The following SPIRE1 variants were observed in gnomAD, a reference collection of about 807,000 sequenced individuals.
The protein encoded by SPIRE1 is protein spire homolog 1.
Under a neutral mutation model 94.1 loss-of-function variants are expected in SPIRE1, and 40 were observed. That is an observed-to-expected ratio of 0.43 (90% CI 0.33 to 0.55). The LOEUF is 0.55. Ranked by LOEUF, SPIRE1 falls within the 20% of genes least tolerant of loss-of-function variation. The pLI is 0.06. For missense variants in SPIRE1, 838 were observed against 975.2 expected (o/e 0.86, Z 1.87); for synonymous variants, 376 against 371.7 (o/e 1.01, Z -0.13).
Position 12,615,345 on chromosome 18 carries a change from A to ATAAAAATAAAAAAAAAT in SPIRE1, c.372+19716_372+19717insATTTTTTTTTATTTTTA, listed in dbSNP as rs1555632289. Among the ~76,000 whole-genome samples, 2 of 17,236 alleles carry ATAAAAATAAAAAAAAAT rather than the reference A, an allele frequency of 1.2e-4. 1 individual carries two copies. The highest frequency in any genetic ancestry group is 3.7e-4 in the Non-Finnish European group (2 of 5,404). 11.3% of individuals were successfully genotyped at this position (17,236 alleles called of 152,430 possible). A position where few individuals can be genotyped will look rare whatever the true frequency, so the allele number is the denominator to read the frequency against. On this transcript the variant is annotated intron_variant, in intron 2 of 16. Coordinates refer to ENST00000409402, the MANE Select transcript of SPIRE1 (RefSeq NM_001128626.2). ...TCTGTCTCAAAAAAAAAAAAAAAAA[A>ATAAAAATAAAAAAAAAT]ATATATATATATATATATATATATA... is the stretch of plus-strand genomic sequence containing the variant.
intron 2 of SPIRE1, among the ~76,000 whole-genome samples, chr18:12,582,193 C>T (rs2036273276): frequency 6.6e-6 from 1 of 152,004 alleles, no homozygotes; most frequent in African/African-American, 2.4e-5. Flanking sequence ...CAGGAAAAGC[C>T]CAAGGTCTGT....
At chr18:12,501,701 C>T (rs1253011353) in intron 6 of SPIRE1, among the ~76,000 whole-genome samples, 1 of 152,190 alleles carries the variant, frequency 6.6e-6, no homozygotes. Context: ...TGGCTCATGC[C>T]TATAATCCTA....
chr18:12,540,153 T>C (rs1451691107), intron 3 of SPIRE1, among the ~76,000 whole-genome samples: 2 of 152,088 alleles, frequency 1.3e-5, no homozygotes, highest in Non-Finnish European at 2.9e-5. Context: ...ACCCAAACTC[T>C]TCAGTGTTCC....
intron 1 of SPIRE1, among the ~76,000 whole-genome samples, chr18:12,640,989 C>T (rs1368974333): frequency 6.6e-6 from 1 of 152,084 alleles, no homozygotes; most frequent in East Asian, 1.9e-4. Flanking sequence ...AGCTCAAGGC[C>T]AGCGAGGAGG....
Position 12,598,030 on chromosome 18 carries a change from G to A in SPIRE1, c.372+37032C>T, listed in dbSNP as rs577890961. 2.6e-5 allele frequency among the ~76,000 whole-genome samples: 4 copies of A among 152,170 alleles called. No individual in the cohort carries two copies. The South Asian group carries it at 8.3e-4, about 32-fold the overall frequency. On this transcript the variant is annotated intron_variant, in intron 2 of 16. Transcript: ENST00000409402. ...TCACATACTTTGGATTTTTATACAA[G>A]AGACTAGCTTGAGTCACTAACCAGA...
intron 2 of SPIRE1, among the ~76,000 whole-genome samples, chr18:12,547,220 G>T (rs139020870): frequency 6.6e-6 from 1 of 152,274 alleles, no homozygotes; most frequent in East Asian, 1.9e-4. Flanking sequence ...GACATCCCAA[G>T]TATCTGAAAG....
chr18:12,590,897 T>G (rs1052980804), intron 2 of SPIRE1, among the ~76,000 whole-genome samples: 1 of 152,222 alleles, frequency 6.6e-6, no homozygotes, highest in Admixed American at 6.5e-5. Flanking sequence ...ACAAATTCAC[T>G]GAGGTAGTAC....
At chr18:12,654,107 C>T (rs1337920950) in intron 1 of SPIRE1, among the ~76,000 whole-genome samples, 6 of 151,796 alleles carry the variant, frequency 4.0e-5, no homozygotes, top group African/African-American at 1.5e-4. Context: ...GAGGCTGAGG[C>T]GGGTGGATCA....
At chr18:12,652,792 T>C (rs1372038416) in intron 1 of SPIRE1, among the ~76,000 whole-genome samples, 1 of 152,234 alleles carries the variant, frequency 6.6e-6, no homozygotes, top group African/African-American at 2.4e-5. Context: ...AATCTAACCA[T>C]TCTCAGATGT....
Position 12,579,186 on chromosome 18 carries a change from T to TACACACACAC in SPIRE1, c.373-32292_373-32283dup, listed in dbSNP as rs755425946. 6.6e-3 allele frequency among the ~76,000 whole-genome samples: 711 copies of TACACACACAC among 108,548 alleles called. 9 individuals carry two copies. Among genetic ancestry groups the TACACACACAC allele is most frequent in the East Asian group, 9.0e-3 (35 of 3,896 alleles). The allele number at this position is 108,548 out of a possible 152,430, so 71.2% of individuals were successfully genotyped here. ...AATTTTCCACTGAGAGGAAAAAGTT[T>TACACACACAC]ACACACACACACATACACACACACA... On this transcript the variant is annotated intron_variant, in intron 2 of 16. Transcript: ENST00000409402.
chr18:12,645,160 G>A (rs1016854935), intron 1 of SPIRE1, among the ~76,000 whole-genome samples: 3 of 151,606 alleles, frequency 2.0e-5, no homozygotes, highest in African/African-American at 7.3e-5. Flanking sequence ...GCTTGCCTGA[G>A]GTCATAACTA....
chr18:12,658,486 C>T (rs1307240514), upstream of SPIRE1: 2 of 451,970 alleles, frequency 4.4e-6, no homozygotes, highest in African/African-American at 4.0e-5. Context: ...AGGGAAGTCC[C>T]CGGCCGACTC....
At chr18:12,561,733 G>A (rs972040742) in intron 2 of SPIRE1, among the ~76,000 whole-genome samples, 3 of 152,036 alleles carry the variant, frequency 2.0e-5, no homozygotes, top group Non-Finnish European at 2.9e-5. Context: ...CATATATTTT[G>A]TACTTCTCCC....
At chr18:12,576,680 G>A (rs2036110246) in intron 2 of SPIRE1, among the ~76,000 whole-genome samples, 1 of 151,260 alleles carries the variant, frequency 6.6e-6, no homozygotes, top group African/African-American at 2.4e-5. Context: ...ACGAGGTCAG[G>A]AGATCGAGAC....
At chr18:12,658,163 C>T (rs924994647), upstream of SPIRE1, 1 of 920,994 alleles carries the variant, frequency 1.1e-6, no homozygotes, top group Non-Finnish European at 1.4e-6. Context: ...CCAGCGCCCG[C>T]CCCTTAGGGG....
chr18:12,553,686 C>G (rs1598464478), intron 2 of SPIRE1, among the ~76,000 whole-genome samples: 1 of 152,112 alleles, frequency 6.6e-6, no homozygotes, highest in South Asian at 2.1e-4. Flanking sequence ...AAGGGAAGGA[C>G]AAGGGCCTGG....
rs989657179 is a variant in SPIRE1 at position 12,493,137 on chromosome 18, T to C, written c.1124A>G (p.Glu375Gly). The part of the protein sequence containing the change: ...RPRSLHERIL[E>G]EIKAERKLRP... ...CAGCTTTCTTTCTGCTTTAATTTCT[T>C]CTAATATTCTTTCATGGAGGCTCCG... Residue 375 changes from glutamate (E) to glycine (G), a missense_variant, in exon 8 of 17, where the codon GAA becomes GGA. This residue lies in a region of SPIRE1 where 645 missense variants were observed against 804.7 expected (regional missense o/e 0.80). Transcript: ENST00000409402. The C allele has an allele frequency of 1.2e-6, 2 of 1,613,886 alleles. No homozygotes were observed. Among genetic ancestry groups the C allele is most frequent in the Non-Finnish European group, 1.7e-6 (2 of 1,179,986 alleles).
At chr18:12,521,351 T>G (rs2034352595) in intron 4 of SPIRE1, among the ~76,000 whole-genome samples, 1 of 150,546 alleles carries the variant, frequency 6.6e-6, no homozygotes, top group Non-Finnish European at 1.5e-5. Context: ...TTTTTTTTTT[T>G]GGACACAGTT....
At chr18:12,480,255 C>G (rs1183518688) in intron 9 of SPIRE1, among the ~76,000 whole-genome samples, 1 of 152,140 alleles carries the variant, frequency 6.6e-6, no homozygotes, top group African/African-American at 2.4e-5. Flanking sequence ...AGACACATGG[C>G]TGTAAGATCT....
Sources: gnomAD v4.1 joint callset for allele counts (sites outside exome capture counted in the v4.1 genomes callset) on GRCh38, gnomAD v4.1.1 for gene constraint, gnomAD v4.1.1 regional missense constraint, MANE v1.5 for transcripts, NCBI Gene and HGNC (gene_info 2026-07-23, HGNC 2026-07-21) for gene names.